IYD: variants seen among roughly 807,000 people sequenced by gnomAD.
IYD encodes the protein iodotyrosine deiodinase 1.
In IYD, 25 loss-of-function variants were observed where a neutral mutation model predicts 28.4. The ratio of observed to expected loss-of-function variants is 0.88; its 90% CI spans 0.64 to 1.23. The LOEUF (loss-of-function observed/expected upper bound fraction) is 1.23. Among genes scored for constraint, IYD ranks in the 50% most tolerant of loss-of-function variants. The pLI is 0.00. For missense variants in IYD, 352 were observed against 357.9 expected (o/e 0.98, Z 0.13); for synonymous variants, 140 against 130.8 (o/e 1.07, Z -0.48).
intron 1 of IYD, among the ~76,000 whole-genome samples, chr6:150,377,881 G>A (rs970439300): frequency 2.6e-5 from 4 of 152,260 alleles, no homozygotes; most frequent in South Asian, 2.1e-4. Context: ...TCACTGTGAC[G>A]TTCATGACAT....
In IYD at chr6:150,402,320, GC is replaced by G. The variant is rs1386149314; in HGVS notation, c.*4085del. On this transcript the variant is annotated 3_prime_UTR_variant, in exon 5 of 5. Transcript: ENST00000344419. ...ACCCCAACAATTCCATCGTACCTTGGCCTAGGAGTGACCTCCTCAGTCTCAC... is the reference window on the plus strand; with the variant it reads ...ACCCCAACAATTCCATCGTACCTTGGCTAGGAGTGACCTCCTCAGTCTCAC... 3 of 152,144 alleles carry G rather than the reference GC, an allele frequency of 2.0e-5. No homozygotes were observed. The highest frequency in any genetic ancestry group is 6.5e-5 in the Admixed American group (1 of 15,278). 9.4% of individuals were successfully genotyped at this position (152,144 alleles called of 1,614,324 possible). A position where few individuals can be genotyped will look rare whatever the true frequency, so the allele number is the denominator to read the frequency against.
At chr6:150,394,052 C>G in intron 3 of IYD, 47 bp from the exon 4 acceptor site, 1 of 1,595,724 alleles carries the variant, frequency 6.3e-7, no homozygotes. Context: ...TAAAAGAGAA[C>G]AAAAAATATG....
chr6:150,374,891 A>G (rs1768283), intron 1 of IYD, among the ~76,000 whole-genome samples: 132,296 of 152,102 alleles, frequency 0.87, 57,717 homozygotes, highest in East Asian at 0.98. Flanking sequence ...TTCTTCCTAG[A>G]TTTTATGACC....
chr6:150,383,761 G>A (rs1466143371), intron 1 of IYD, among the ~76,000 whole-genome samples: 1 of 138,290 alleles, frequency 7.2e-6, no homozygotes, highest in East Asian at 2.1e-4. Context: ...CCAGGAGTTT[G>A]AGGCCCATGC....
At chr6:150,376,606 C>T (rs565118743) in intron 1 of IYD, among the ~76,000 whole-genome samples, 50 of 152,214 alleles carry the variant, frequency 3.3e-4, no homozygotes, top group Non-Finnish European at 6.3e-4. Flanking sequence ...GATCTTAAGA[C>T]AATTACATTT....
intron 1 of IYD, among the ~76,000 whole-genome samples, chr6:150,383,198 G>A (rs920660442): frequency 6.6e-6 from 1 of 152,174 alleles, no homozygotes; most frequent in Non-Finnish European, 1.5e-5. Context: ...ATCTTAGGCT[G>A]CAAGCACATA....
chr6:150,376,003 A>G (rs1210279534), intron 1 of IYD, among the ~76,000 whole-genome samples: 5 of 152,316 alleles, frequency 3.3e-5, no homozygotes, highest in Admixed American at 1.3e-4. Flanking sequence ...AAACACTTCC[A>G]TGCTAAATGT....
chr6:150,398,399 CTG>C lies in IYD; in HGVS notation c.*165_*166del. The C allele has an allele frequency of 1.6e-6, 1 of 634,984 alleles. No homozygotes were observed. The highest frequency in any genetic ancestry group is 2.8e-6 in the Non-Finnish European group (1 of 360,056). The allele number at this position is 634,984 out of a possible 1,614,324, so 39.3% of individuals were successfully genotyped here. On this transcript the variant is annotated 3_prime_UTR_variant, in exon 5 of 5. Coordinates refer to ENST00000344419, the MANE Select transcript of IYD (RefSeq NM_203395.3). Reference sequence around the variant, plus strand: ...CTATGTCAAGAAGCCTCTCCACACTCTGTGGCACTTCCAGTCCCATAAATCCT... The same window carrying C: ...CTATGTCAAGAAGCCTCTCCACACTCTGGCACTTCCAGTCCCATAAATCCT...
intron 4 of IYD, chr6:150,396,743 G>A (rs775629537): frequency 6.7e-5 from 16 of 238,294 alleles, no homozygotes; most frequent in East Asian, 2.0e-4. Context: ...GCGTGGTGGC[G>A]GGCGCCTGTA....
At position 150,398,279 on chromosome 6, in the gene IYD, C is replaced by T. The variant is rs765086846; in HGVS notation, c.*42C>T. The stretch of plus-strand genomic sequence containing the variant: ...GAGTGGCAGGGAGATGGCGCCCCTG[C>T]TTTTCCCTGAGCCTCTCGCCTGCTC... On this transcript the variant is annotated 3_prime_UTR_variant, in exon 5 of 5. Transcript: ENST00000344419. 6 of 1,594,976 alleles carry T rather than the reference C, an allele frequency of 3.8e-6. No homozygotes were observed. Among genetic ancestry groups the T allele is most frequent in the Non-Finnish European group, 5.2e-6 (6 of 1,164,118 alleles).
At chr6:150,394,379 G>T in intron 4 of IYD, 124 bp downstream of exon 4, 1 of 1,030,328 alleles carries the variant, frequency 9.7e-7, no homozygotes, top group Non-Finnish European at 1.5e-6. Flanking sequence ...AGGTAACTCT[G>T]ATGTGAAAAC....
Position 150,394,271 on chromosome 6 carries a change from A to G in IYD, c.687+16A>G, listed in dbSNP as rs1372234148. The G allele has an allele frequency of 6.2e-7, 1 of 1,614,032 alleles. No individual in the cohort carries two copies. The highest frequency in any genetic ancestry group is 8.5e-7 in the Non-Finnish European group (1 of 1,179,896). On this transcript the variant is annotated intron_variant, in intron 4 of 4. Coordinates refer to ENST00000344419, the MANE Select transcript of IYD (RefSeq NM_203395.3). ...TGCCCTGCAGGTATGTTGAGACATCAAGGGTTACAGGGTGGCCTTATTAGA... is the reference window on the plus strand; with the variant it reads ...TGCCCTGCAGGTATGTTGAGACATCGAGGGTTACAGGGTGGCCTTATTAGA...
intron 2 of IYD, among the ~76,000 whole-genome samples, chr6:150,390,019 C>T (rs1180806072): frequency 6.6e-6 from 1 of 151,844 alleles, no homozygotes; most frequent in African/African-American, 2.4e-5. Flanking sequence ...TGTAAATTTG[C>T]ACAGTAAAAC....
chr6:150,378,417 A>G (rs12200125), intron 1 of IYD, among the ~76,000 whole-genome samples: 14,925 of 151,830 alleles, frequency 0.098, 1,025 homozygotes, highest in Non-Finnish European at 0.14. Context: ...CCTATAAGTG[A>G]GAACATGCGG....
At position 150,385,437 on chromosome 6, in the gene IYD, C is replaced by G. The variant is rs564048082; in HGVS notation, c.179-3915C>G. On this transcript the variant is annotated intron_variant, in intron 1 of 4. Coordinates refer to ENST00000344419, the MANE Select transcript of IYD (RefSeq NM_203395.3). ...ATAAATGTCAAGTTTTACTAAACACCTTTTCTGCATTGTAATGATTTTTGT... is the reference window on the plus strand; with the variant it reads ...ATAAATGTCAAGTTTTACTAAACACGTTTTCTGCATTGTAATGATTTTTGT... Among the ~76,000 whole-genome samples, 7 of 151,996 alleles carry G rather than the reference C, an allele frequency of 4.6e-5. No individual in the cohort carries two copies. In the South Asian group the frequency reaches 1.5e-3, roughly 32 times the overall value.
intron 2 of IYD, 34 bp downstream of exon 2, chr6:150,389,577 T>C (rs762756360): frequency 1.9e-6 from 3 of 1,559,110 alleles, no homozygotes; most frequent in Non-Finnish European, 2.7e-6. Context: ...TTGGAAATGT[T>C]AGTCACCTTA....
rs1433436187 is a variant in IYD, at chr6:150,398,828, G to A, written c.*591G>A. ...AGGCCGAGGTGGGCAGATTGCCTGA[G>A]CTCAAGAGTTCGAGACCAGCCTGGC... On this transcript the variant is annotated 3_prime_UTR_variant, in exon 5 of 5. Transcript: ENST00000344419. 6.5e-6 allele frequency: 1 copy of A among 152,922 alleles called. No homozygotes were observed. The highest frequency in any genetic ancestry group is 2.4e-5 in the African/African-American group (1 of 41,422). 9.5% of individuals were successfully genotyped at this position (152,922 alleles called of 1,614,324 possible).
chr6:150,397,223 A>G (rs1018820541), intron 4 of IYD, among the ~76,000 whole-genome samples: 1 of 152,162 alleles, frequency 6.6e-6, no homozygotes, highest in Non-Finnish European at 1.5e-5. Flanking sequence ...AGAGTTATTG[A>G]TAACAAATCA....
chr6:150,394,116 A>C lies in IYD; in HGVS notation c.548A>C (p.Glu183Ala). The change falls in exon 4 of 5, where the codon GAG (glutamate) becomes GCG (alanine). Residue 183 changes from glutamate to alanine, a missense_variant. Glu to Ala is a moderately radical substitution (Grantham distance 107, BLOSUM62 -1). Transcript: ENST00000344419. ...CTTCACAGAACCAACTGGATTAAAGAGTACTTGGATACTGCCCCTATTTTG... is the reference window on the plus strand; with the variant it reads ...CTTCACAGAACCAACTGGATTAAAGCGTACTTGGATACTGCCCCTATTTTG... ...LKKLRTNWIK[E>A]YLDTAPILIL... The C allele has an allele frequency of 1.2e-6, 2 of 1,614,186 alleles. No individual in the cohort carries two copies. The highest frequency in any genetic ancestry group is 1.7e-6 in the Non-Finnish European group (2 of 1,180,002).
Sources: allele counts gnomAD v4.1 joint callset (sites outside exome capture counted in the v4.1 genomes callset), GRCh38; gene constraint gnomAD v4.1.1; transcripts MANE v1.5; gene names NCBI Gene and HGNC (gene_info 2026-07-23, HGNC 2026-07-21).